The following ACOT11 variants were observed in gnomAD, a reference collection of about 807,000 sequenced individuals.
The protein encoded by ACOT11 is acyl-coenzyme A thioesterase 11.
In ACOT11, 69 loss-of-function variants were observed where a neutral mutation model predicts 77.5. That is an observed-to-expected ratio of 0.89 (90% CI 0.73 to 1.09). The LOEUF is 1.09. Among genes scored for constraint, ACOT11 ranks in the 50% least tolerant of loss-of-function variants. ACOT11 has a pLI of 0.00. For missense variants in ACOT11, 766 were observed against 813.7 expected (o/e 0.94, Z 0.71); for synonymous variants, 279 against 313.0 (o/e 0.89, Z 1.15).
intron 15 of ACOT11, among the ~76,000 whole-genome samples, chr1:54,622,199 C>A (rs966143461): frequency 6.0e-5 from 9 of 149,458 alleles, no homozygotes; most frequent in Non-Finnish European, 1.3e-4. Flanking sequence ...TTGCTTGAGC[C>A]CAGGGGGTGG....
At chr1:54,575,568 A>T (rs922041741) in intron 1 of ACOT11, among the ~76,000 whole-genome samples, 1 of 146,088 alleles carries the variant, frequency 6.8e-6, no homozygotes, top group African/African-American at 2.8e-5. Context: ...TTCGGAACGC[A>T]CTGAAAAAAA....
chr1:54,625,966 A>G (rs1159947090), intron 15 of ACOT11, among the ~76,000 whole-genome samples: 3 of 137,490 alleles, frequency 2.2e-5, no homozygotes, highest in Middle Eastern at 3.7e-3. Flanking sequence ...AAGAAAGAAA[A>G]AAAGAAAAGA....
chr1:54,586,820 G>T (rs752715778), intron 3 of ACOT11, among the ~76,000 whole-genome samples: 2 of 151,960 alleles, frequency 1.3e-5, no homozygotes, highest in Non-Finnish European at 2.9e-5. Flanking sequence ...CCATAGCTTT[G>T]CCCATAGATC....
chr1:54,623,369 C>G (rs746130128), intron 15 of ACOT11: 7 of 1,613,968 alleles, frequency 4.3e-6, no homozygotes, highest in Non-Finnish European at 5.9e-6. Context: ...TGACCTGATT[C>G]TTTGATAACT....
At chr1:54,586,571 A>C (rs886914044) in intron 3 of ACOT11, among the ~76,000 whole-genome samples, 1 of 151,870 alleles carries the variant, frequency 6.6e-6, no homozygotes, top group Non-Finnish European at 1.5e-5. Context: ...AGCTGGGATT[A>C]CAGGTGCCTG....
At chr1:54,583,420 C>T (rs1654389407) in intron 1 of ACOT11, among the ~76,000 whole-genome samples, 1 of 152,126 alleles carries the variant, frequency 6.6e-6, no homozygotes, top group African/African-American at 2.4e-5. Context: ...AAGGAGTATA[C>T]ACCAGGTGCA....
At chr1:54,633,521 C>G (rs1446710810) in intron 16 of ACOT11, among the ~76,000 whole-genome samples, 1 of 152,176 alleles carries the variant, frequency 6.6e-6, no homozygotes, top group Non-Finnish European at 1.5e-5. Context: ...AGACTGCGAA[C>G]AGTTTGCATT....
At chr1:54,604,991 C>A in intron 12 of ACOT11, 85 bp from the exon 13 acceptor site, 2 of 1,436,186 alleles carry the variant, frequency 1.4e-6, no homozygotes, top group Non-Finnish European at 1.9e-6. Context: ...TCAGCTGTAG[C>A]CCTGAGCTTC....
Position 54,630,522 on chromosome 1 carries a change from C to A in ACOT11, c.1630-212C>A, listed in dbSNP as rs975512566. ...TGATCTGTGTCTTAAGGGCGTGTTCCTGCTGCAATTAATTCGGCACATCCC... is the reference window on the plus strand; with the variant it reads ...TGATCTGTGTCTTAAGGGCGTGTTCATGCTGCAATTAATTCGGCACATCCC... On this transcript the variant is annotated intron_variant, in intron 15 of 16. Coordinates refer to the ACOT11 transcript ENST00000371316. 1.3e-4 allele frequency among the ~76,000 whole-genome samples: 20 copies of A among 152,326 alleles called. 1 individual carries two copies. Among genetic ancestry groups the A allele is most frequent in the South Asian group, 1.2e-3 (6 of 4,830 alleles).
intron 15 of ACOT11, among the ~76,000 whole-genome samples, chr1:54,624,315 T>TA (rs1644258265): frequency 6.9e-6 from 1 of 144,184 alleles, no homozygotes; most frequent in Admixed American, 7.2e-5. Context: ...ATTGTGTGTG[T>TA]GAAAGGGTGT....
chr1:54,588,143 G>T (rs1654572702), intron 3 of ACOT11, among the ~76,000 whole-genome samples: 1 of 152,018 alleles, frequency 6.6e-6, no homozygotes, highest in Non-Finnish European at 1.5e-5. Flanking sequence ...GGTGGAGGTT[G>T]CAGTGAGCCA....
At position 54,592,582 on chromosome 1, in the gene ACOT11, C is replaced by T. The variant is rs752752663; in HGVS notation, c.348C>T (p.Asn116=). ...GQVVNIKAKV[N]RAFNSSMEVG... is the part of the protein sequence containing the mutation. The stretch of plus-strand genomic sequence containing the variant: ...TGGTGAATATCAAGGCCAAGGTGAA[C>T]CGGGCCTTCAACTCCAGCATGGAGG... Residue 116 remains asparagine, a synonymous_variant, in exon 4 of 16, where the codon AAC becomes AAT. Transcript: ENST00000343744. The T allele has an allele frequency of 6.2e-7, 1 of 1,613,454 alleles. No individual in the cohort carries two copies. The highest frequency in any genetic ancestry group is 8.5e-7 in the Non-Finnish European group (1 of 1,179,700).
chr1:54,602,614 G>C, intron 9 of ACOT11, 55 bp from the exon 10 acceptor site: 1 of 1,422,568 alleles, frequency 7.0e-7, no homozygotes, highest in South Asian at 1.5e-5. Context: ...GGGATGGAGA[G>C]GGGGCAGGAC....
chr1:54,607,993 G>A lies in ACOT11; in HGVS notation c.1554G>A (p.Glu518=). Residue 518 remains glutamate, a synonymous_variant, in exon 15 of 16, where the codon GAG becomes GAA. Coordinates refer to ENST00000343744, the MANE Select transcript of ACOT11 (RefSeq NM_147161.4). This position sits in a 1 kb window ranked among gnomAD's most constrained non-coding sequence, Gnocchi z 4.5. ...LRSVTLPTHR[E]TPEYRRGETL... is the part of the protein sequence containing the mutation. ...CGGTCACGCTGCCCACACACCGAGA[G>A]ACGCCAGAGTACAGACGCGGAGAGA... The A allele has an allele frequency of 1.2e-6, 2 of 1,613,846 alleles. No individual in the cohort carries two copies. Among genetic ancestry groups the A allele is most frequent in the East Asian group, 4.5e-5 (2 of 44,858 alleles).
chr1:54,622,022 C>T (rs1036317403), intron 15 of ACOT11, among the ~76,000 whole-genome samples: 2 of 152,094 alleles, frequency 1.3e-5, no homozygotes, highest in Non-Finnish European at 2.9e-5. Context: ...GCCTGTAATC[C>T]CAGCACTTTG....
At chr1:54,615,314 G>T (rs890140686), downstream of ACOT11, among the ~76,000 whole-genome samples, 3 of 152,180 alleles carry the variant, frequency 2.0e-5, no homozygotes, top group Non-Finnish European at 4.4e-5. Context: ...AGGGTGGTGA[G>T]GAGATGAGGC....
At chr1:54,556,891 A>C (rs760879708) in intron 1 of ACOT11, among the ~76,000 whole-genome samples, 1 of 151,898 alleles carries the variant, frequency 6.6e-6, no homozygotes, top group Non-Finnish European at 1.5e-5. Context: ...TCTTCACTGT[A>C]GAGATCTTTC....
intron 1 of ACOT11, among the ~76,000 whole-genome samples, chr1:54,551,130 CAAAAA>C (rs11367325): frequency 1.1e-5 from 1 of 90,954 alleles, no homozygotes; most frequent in Admixed American, 1.3e-4. Flanking sequence ...ACAGTGGTCT[CAAAAA>C]AAAAAAAAAA....
At chr1:54,548,377 TGGAAG>T in intron 1 of ACOT11, 35 bp downstream of exon 1, 1 of 1,590,094 alleles carries the variant, frequency 6.3e-7, no homozygotes, top group Non-Finnish European at 8.6e-7. Context: ...GGGAGGGCTC[TGGAAG>T]CTGGGCACCC....
Sources: gnomAD v4.1 joint callset for allele counts (sites outside exome capture counted in the v4.1 genomes callset) on GRCh38, gnomAD v4.1.1 for gene constraint, Gnocchi (gnomAD v3.1) non-coding constraint, MANE v1.5 for transcripts, NCBI Gene and HGNC (gene_info 2026-07-23, HGNC 2026-07-21) for gene names.